Variants in STAC observed in about 807,000 individuals in gnomAD.
The protein encoded by STAC is SH3 and cysteine rich domain, also known as SH3 and cysteine-rich domain-containing protein.
A neutral mutation model predicts 48.8 loss-of-function variants in STAC; 43 were observed. The observed-to-expected ratio is 0.88, with a 90% CI of 0.69 to 1.14. The LOEUF (loss-of-function observed/expected upper bound fraction) is 1.14, where lower values mean the gene tolerates loss of function less well. STAC is among the 50% of genes most tolerant of loss of function. The probability of loss-of-function intolerance (pLI) is 0.00; values close to 1 mark genes in which losing one functional copy is unlikely to be tolerated. For missense variants in STAC, 497 were observed against 504.0 expected (o/e 0.99, Z 0.13); for synonymous variants, 193 against 179.5 (o/e 1.07, Z -0.60).
chr3:36,500,894 C>G (rs1247868906), intron 6 of STAC, among the ~76,000 whole-genome samples: 1 of 152,080 alleles, frequency 6.6e-6, no homozygotes, highest in East Asian at 1.9e-4. Flanking sequence ...AGTTCAAGCC[C>G]AGCCTAGGCA....
chr3:36,389,142 TCAAATATTTCCTG>T (rs1435637544), intron 1 of STAC, among the ~76,000 whole-genome samples: 4 of 152,202 alleles, frequency 2.6e-5, no homozygotes, highest in African/African-American at 9.6e-5. Flanking sequence ...GAAATTGTCC[TCAAATATTTCCTG>T]CCAAAATTCT....
chr3:36,437,291 A>T (rs2125659328), intron 1 of STAC, among the ~76,000 whole-genome samples: 1 of 151,474 alleles, frequency 6.6e-6, no homozygotes, highest in African/African-American at 2.4e-5. Context: ...TACCCAAAGG[A>T]TTATAAATCA....
Position 36,443,071 on chromosome 3 carries a change from C to G in STAC, c.112-293C>G, listed in dbSNP as rs146137315. ...TATCAAAATCCAATGTGGTGGGACA[C>G]TTTTACAGCACACTGGTAGGACTTT... On this transcript the variant is annotated intron_variant, in intron 1 of 10. Transcript: ENST00000273183. The surrounding 1 kb of genome is among the most constrained non-coding windows in gnomAD (Gnocchi z 4.2). Among the ~76,000 whole-genome samples, 1 of 152,254 alleles carries G rather than the reference C, an allele frequency of 6.6e-6. No homozygotes were observed. Among genetic ancestry groups the G allele is most frequent in the Non-Finnish European group, 1.5e-5 (1 of 68,028 alleles).
rs554756252 is a variant in STAC, at chr3:36,493,356, A to G, written c.766+127A>G. Reference sequence around the variant, plus strand: ...GGAATTTAATCAGGGCGAGTGTTCAATGTTCTGGAGAGAATGTGAGCATTG... The same window carrying G: ...GGAATTTAATCAGGGCGAGTGTTCAGTGTTCTGGAGAGAATGTGAGCATTG... On this transcript the variant is annotated intron_variant, in intron 6 of 10. Coordinates refer to ENST00000273183, the MANE Select transcript of STAC (RefSeq NM_003149.3). 151 of 807,200 alleles carry G rather than the reference A, an allele frequency of 1.9e-4. 3 individuals are homozygous for G. The South Asian group carries it at 2.0e-3, about 11-fold the overall frequency. 50.0% of individuals were successfully genotyped at this position (807,200 alleles called of 1,614,324 possible).
intron 1 of STAC, among the ~76,000 whole-genome samples, chr3:36,422,139 G>A (rs1261480616): frequency 1.5e-5 from 2 of 134,356 alleles, no homozygotes; most frequent in Non-Finnish European, 3.3e-5. Flanking sequence ...AATGAAAAAA[G>A]AGTTTCCCAA....
chr3:36,439,490 C>G (rs1480270619), intron 1 of STAC, among the ~76,000 whole-genome samples: 1 of 152,192 alleles, frequency 6.6e-6, no homozygotes, highest in Non-Finnish European at 1.5e-5. Context: ...AGGGAGCAAA[C>G]AGTAAATGAT....
At position 36,484,984 on chromosome 3, in the gene STAC, G is replaced by T. The variant is rs1051920712; in HGVS notation, c.497G>T (p.Gly166Val). Residue 166 changes from glycine to valine, a missense_variant, in exon 4 of 11, where the codon GGG (glycine) becomes GTG (valine). By Grantham distance (109) the Gly-to-Val change is moderately radical. Transcript: ENST00000273183. ...TCCTCATTCTCTCTCCAGCCAAAGG[G>T]GTTTCGGCGTTACTACAGCTCCCCC... is the stretch of plus-strand genomic sequence containing the variant. ...PQRCMGKLPK[G>V]FRRYYSSPLL... 4 of 1,598,964 alleles carry T rather than the reference G, an allele frequency of 2.5e-6. No homozygotes were observed. The South Asian group carries it at 4.5e-5, about 18-fold the overall frequency.
At position 36,423,616 on chromosome 3, in the gene STAC, G is replaced by A. The variant is rs539077130; in HGVS notation, c.112-19748G>A. The stretch of plus-strand genomic sequence containing the variant: ...GCTGGAAGAAGAAACTATTCATAGA[G>A]GTTTTATCCTCAGTTGAACTAGAGA... On this transcript the variant is annotated intron_variant, in intron 1 of 10. Coordinates refer to ENST00000273183, the MANE Select transcript of STAC (RefSeq NM_003149.3). Among the ~76,000 whole-genome samples, 3 of 152,084 alleles carry A rather than the reference G, an allele frequency of 2.0e-5. No homozygotes were observed. In the South Asian group the frequency reaches 6.2e-4, roughly 32 times the overall value.
intron 2 of STAC, among the ~76,000 whole-genome samples, chr3:36,450,507 C>T (rs1696645850): frequency 6.6e-6 from 1 of 152,204 alleles, no homozygotes; most frequent in Non-Finnish European, 1.5e-5. Flanking sequence ...GATATCTTCA[C>T]TGTGAATTAT....
At chr3:36,488,658 C>T (rs1697881130) in intron 5 of STAC, among the ~76,000 whole-genome samples, 1 of 152,166 alleles carries the variant, frequency 6.6e-6, no homozygotes, top group Non-Finnish European at 1.5e-5. Flanking sequence ...ACTCATATTC[C>T]ACGAGTGATT....
intron 1 of STAC, among the ~76,000 whole-genome samples, chr3:36,398,577 GAAGGAAGGAAGGAAGGAAGGAAGA>G (rs1469143850): frequency 1.4e-5 from 1 of 71,802 alleles, no homozygotes; most frequent in African/African-American, 7.1e-5. Context: ...AGGAAGGAAG[GAAGGAAGGAAGGAAGGAAGGAAGA>G]AAGGAAGGAG....
chr3:36,478,498 T>C (rs1697552543), intron 2 of STAC, among the ~76,000 whole-genome samples: 2 of 152,312 alleles, frequency 1.3e-5, no homozygotes, highest in South Asian at 4.1e-4. Context: ...TATTTATTTA[T>C]TTACTTATTT....
chr3:36,407,986 G>A (rs1274977101), intron 1 of STAC, among the ~76,000 whole-genome samples: 1 of 152,178 alleles, frequency 6.6e-6, no homozygotes, highest in Non-Finnish European at 1.5e-5. Flanking sequence ...CAGTTTTCAT[G>A]TTAACCACAG....
At chr3:36,393,517 C>T (rs1699794572) in intron 1 of STAC, among the ~76,000 whole-genome samples, 1 of 151,738 alleles carries the variant, frequency 6.6e-6, no homozygotes, top group African/African-American at 2.4e-5. Flanking sequence ...CTGCTATGGG[C>T]TGAATATGTG....
At chr3:36,444,389 C>G (rs923187376) in intron 2 of STAC, among the ~76,000 whole-genome samples, 1 of 152,206 alleles carries the variant, frequency 6.6e-6, no homozygotes, top group African/African-American at 2.4e-5. Context: ...TACTCTCACT[C>G]AGGCATCTTC....
intron 2 of STAC, among the ~76,000 whole-genome samples, chr3:36,465,240 G>T (rs771854517): frequency 2.0e-5 from 3 of 152,082 alleles, no homozygotes; most frequent in Non-Finnish European, 4.4e-5. Context: ...TCATATGTTT[G>T]TTGGCCATTT....
chr3:36,443,610 T>C lies in STAC; in HGVS notation c.358T>C (p.Phe120Leu). 1 of 1,613,408 alleles carries C rather than the reference T, an allele frequency of 6.2e-7. No homozygotes were observed. The highest frequency in any genetic ancestry group is 8.5e-7 in the Non-Finnish European group (1 of 1,180,032). The change falls in exon 2 of 11, where the codon TTC becomes CTC. Residue 120 changes from phenylalanine to leucine, a missense_variant. Coordinates refer to ENST00000273183, the MANE Select transcript of STAC (RefSeq NM_003149.3). The surrounding 1 kb of genome is among the most constrained non-coding windows in gnomAD (Gnocchi z 4.2). Reference protein sequence around the residue: ...FQEYIFKKPTFCDVCNHMIVG... With the variant: ...FQEYIFKKPTLCDVCNHMIVG... ...GGAATACATCTTCAAGAAGCCCACT[T>C]TCTGTGATGTCTGCAACCACATGAT...
At chr3:36,524,663 T>C (rs772766911) in intron 8 of STAC, among the ~76,000 whole-genome samples, 3 of 152,128 alleles carry the variant, frequency 2.0e-5, no homozygotes, top group Non-Finnish European at 2.9e-5. Flanking sequence ...AGTGGTTTCA[T>C]CTTGCATGCC....
At chr3:36,510,031 G>C (rs1559519254) in intron 8 of STAC, among the ~76,000 whole-genome samples, 1 of 152,086 alleles carries the variant, frequency 6.6e-6, no homozygotes, top group Admixed American at 6.6e-5. Context: ...GCAACCTACA[G>C]AATGGGAGAA....
Sources: gnomAD v4.1 joint callset for allele counts (sites outside exome capture counted in the v4.1 genomes callset) on GRCh38, gnomAD v4.1.1 for gene constraint, Gnocchi (gnomAD v3.1) non-coding constraint, MANE v1.5 for transcripts, NCBI Gene and HGNC (gene_info 2026-07-23, HGNC 2026-07-21) for gene names.